Variants in AFAP1 observed in about 807,000 individuals in gnomAD.
AFAP1 encodes the protein actin filament associated protein 1, also known as actin filament-associated protein 1.
A neutral mutation model predicts 93.9 loss-of-function variants in AFAP1; 75 were observed. The observed-to-expected ratio is 0.80, with a 90% CI of 0.66 to 0.97. The LOEUF (loss-of-function observed/expected upper bound fraction) is 0.97, where lower values mean the gene tolerates loss of function less well. Among genes scored for constraint, AFAP1 ranks in the 50% least tolerant of loss-of-function variants. The pLI is 0.00. For synonymous variants in AFAP1, 517 were observed against 430.7 expected (o/e 1.20, Z -2.48); for missense variants, 1,201 against 1,050.8 (o/e 1.14, Z -1.98).
chr4:7,878,756 G>C (rs1243327997), intron 1 of AFAP1, among the ~76,000 whole-genome samples: 2 of 152,162 alleles, frequency 1.3e-5, no homozygotes, highest in East Asian at 3.9e-4. Context: ...TTTACAAGTG[G>C]AGAAACTGGT....
intron 2 of AFAP1, among the ~76,000 whole-genome samples, chr4:7,870,590 A>T (rs191655332): frequency 7.2e-5 from 11 of 152,272 alleles, no homozygotes; most frequent in Admixed American, 3.3e-4. Context: ...CTGGGAGGTT[A>T]ATACTGCAGT....
At chr4:7,847,665 G>A (rs1577288976) in intron 4 of AFAP1, among the ~76,000 whole-genome samples, 1 of 152,180 alleles carries the variant, frequency 6.6e-6, no homozygotes, top group South Asian at 2.1e-4. Flanking sequence ...TAAACGTTTT[G>A]TGAAAAATTA....
rs941512743 is a variant in AFAP1 at position 7,863,373 on chromosome 4, C to T, written c.225+5249G>A. Among the ~76,000 whole-genome samples the T allele has an allele frequency of 1.3e-4, 20 of 152,162 alleles. 1 individual carries two copies. The highest frequency in any genetic ancestry group is 4.8e-4 in the African/African-American group (20 of 41,522). On this transcript the variant is annotated intron_variant, in intron 3 of 17. Transcript: ENST00000420658. ...AGCGGAGGCTGCAGTGAGCCCAGAT[C>T]GTGCCACTGCACTCCAGCCTGGGCG...
At position 7,817,025 on chromosome 4, in the gene AFAP1, C is replaced by G. The variant is rs188940858; in HGVS notation, c.823-926G>C. ...GGCAACAGGTCCAGCCAGGTGCTCA[C>G]GGTACTGCCTTAGAAACCAACATAA... On this transcript the variant is annotated intron_variant, in intron 7 of 17. Coordinates refer to ENST00000420658, the MANE Select transcript of AFAP1 (RefSeq NM_001134647.2). Among the ~76,000 whole-genome samples, 27 of 152,264 alleles carry G rather than the reference C, an allele frequency of 1.8e-4. 1 individual carries two copies. In the Middle Eastern group the frequency reaches 0.024, roughly 134 times the overall value.
At chr4:7,826,104 G>A (rs1339609996) in intron 6 of AFAP1, among the ~76,000 whole-genome samples, 1 of 152,230 alleles carries the variant, frequency 6.6e-6, no homozygotes. Flanking sequence ...AATGGTGGGT[G>A]AAGGGGGAAC....
chr4:7,870,322 A>G (rs771132641), intron 2 of AFAP1, among the ~76,000 whole-genome samples: 6 of 152,222 alleles, frequency 3.9e-5, no homozygotes, highest in Non-Finnish European at 7.3e-5. Context: ...AAAGGCTGAC[A>G]GATCCAAGAG....
chr4:7,852,869 G>T (rs192431553), intron 4 of AFAP1, among the ~76,000 whole-genome samples: 31 of 152,272 alleles, frequency 2.0e-4, no homozygotes, highest in Admixed American at 5.9e-4. Context: ...AGTCAACCTT[G>T]TATGAATATC....
chr4:7,869,646 T>A (rs1181491335), intron 2 of AFAP1, among the ~76,000 whole-genome samples: 1 of 152,178 alleles, frequency 6.6e-6, no homozygotes, highest in African/African-American at 2.4e-5. Flanking sequence ...CAGTACTATT[T>A]GTATGCCTAA....
chr4:7,818,975 C>T, intron 7 of AFAP1, 101 bp downstream of exon 7: 1 of 1,139,922 alleles, frequency 8.8e-7, no homozygotes, highest in Non-Finnish European at 1.2e-6. Flanking sequence ...TCTTTTTTAA[C>T]TGGAAGCGCT....
Position 7,761,356 on chromosome 4 carries a change from T to TGTGGA in AFAP1, c.*2404_*2408dup, listed in dbSNP as rs2148927496. On this transcript the variant is annotated 3_prime_UTR_variant, in exon 18 of 18. Coordinates refer to ENST00000420658, the MANE Select transcript of AFAP1 (RefSeq NM_001134647.2). Reference sequence around the variant, plus strand: ...GCCTCCGCTTTAAAAGGCTTAGGGTTGTGGATGTGAATTACAAACCTGGGT... The same window carrying TGTGGA: ...GCCTCCGCTTTAAAAGGCTTAGGGTTGTGGAGTGGATGTGAATTACAAACCTGGGT... The TGTGGA allele has an allele frequency of 6.6e-6, 1 of 152,360 alleles. No homozygotes were observed. Among genetic ancestry groups the TGTGGA allele is most frequent in the Admixed American group, 6.5e-5 (1 of 15,306 alleles). The allele number at this position is 152,360 out of a possible 1,614,324, so 9.4% of individuals were successfully genotyped here.
rs549015455 is a variant in AFAP1, at chr4:7,863,317, G to A, written c.225+5305C>T. Among the ~76,000 whole-genome samples the A allele has an allele frequency of 4.8e-4, 73 of 152,238 alleles. 1 individual carries two copies. Among genetic ancestry groups the A allele is most frequent in the African/African-American group, 1.7e-3 (71 of 41,546 alleles). Reference sequence around the variant, plus strand: ...GCCTGTAGTCTCAGCTACTTGGGAGGGTGAGGTGGGAAAATTGCATGAACC... The same window carrying A: ...GCCTGTAGTCTCAGCTACTTGGGAGAGTGAGGTGGGAAAATTGCATGAACC... On this transcript the variant is annotated intron_variant, in intron 3 of 17. Coordinates refer to ENST00000420658, the MANE Select transcript of AFAP1 (RefSeq NM_001134647.2).
chr4:7,885,340 G>C (rs1718083955), intron 1 of AFAP1, among the ~76,000 whole-genome samples: 2 of 152,056 alleles, frequency 1.3e-5, no homozygotes, highest in Non-Finnish European at 2.9e-5. Flanking sequence ...TCTCTGCCCG[G>C]TATGCTTAAC....
intron 4 of AFAP1, among the ~76,000 whole-genome samples, chr4:7,847,998 T>C (rs1713936981): frequency 1.3e-5 from 2 of 151,432 alleles, no homozygotes; most frequent in Admixed American, 1.3e-4. Flanking sequence ...ATTAGATACA[T>C]GGATGGATAG....
intron 14 of AFAP1, chr4:7,777,246 T>G (rs978941014): frequency 6.6e-6 from 1 of 152,122 alleles, no homozygotes; most frequent in African/African-American, 2.4e-5. Context: ...GGAAATAAGA[T>G]TTGCCAGATA....
chr4:7,765,824 C>T (rs570527847), intron 17 of AFAP1, among the ~76,000 whole-genome samples: 47 of 152,148 alleles, frequency 3.1e-4, no homozygotes, highest in African/African-American at 1.1e-3. Context: ...CATGGTACAA[C>T]GTGAGTCCCA....
At chr4:7,804,322 G>C (rs980235806) in intron 9 of AFAP1, among the ~76,000 whole-genome samples, 2 of 152,228 alleles carry the variant, frequency 1.3e-5, no homozygotes, top group African/African-American at 4.8e-5. Flanking sequence ...GGCAGGTCCA[G>C]ATAGAACTGA....
chr4:7,799,122 A>G (rs1718774468), intron 10 of AFAP1: 2 of 980,842 alleles, frequency 2.0e-6, no homozygotes, highest in African/African-American at 3.5e-5. Context: ...AAAGAAGCTG[A>G]GAGAGAACAA....
rs940723141 is a variant in AFAP1, at chr4:7,892,054, CAAAAAAAGA to C, written c.-2-19983_-2-19975del. ...GGGCAGCAAGAACAAAATTCCGACT[CAAAAAAAGA>C]AAAAAAAGAAAAAAGCAAACTATGT... On this transcript the variant is annotated intron_variant, in intron 1 of 17. Coordinates refer to ENST00000420658, the MANE Select transcript of AFAP1 (RefSeq NM_001134647.2). Among the ~76,000 whole-genome samples the C allele has an allele frequency of 1.5e-4, 23 of 150,654 alleles. No individual in the cohort carries two copies. The East Asian group carries it at 1.6e-3, about 10-fold the overall frequency.
chr4:7,908,218 A>C (rs1428350624), intron 1 of AFAP1, among the ~76,000 whole-genome samples: 1 of 152,104 alleles, frequency 6.6e-6, no homozygotes, highest in Non-Finnish European at 1.5e-5. Context: ...TCTCAAAAAA[A>C]AAAAAATTAA....
Sources: gnomAD v4.1 joint callset for allele counts (sites outside exome capture counted in the v4.1 genomes callset) on GRCh38, gnomAD v4.1.1 for gene constraint, MANE v1.5 for transcripts, NCBI Gene and HGNC (gene_info 2026-07-23, HGNC 2026-07-21) for gene names.